The following MAPK8IP2 variants were observed in gnomAD, a reference collection of about 807,000 sequenced individuals.
MAPK8IP2 encodes mitogen-activated protein kinase 8 interacting protein 2.
Under a neutral mutation model 75.6 loss-of-function variants are expected in MAPK8IP2, and 15 were observed. The observed-to-expected ratio is 0.20, with a 90% CI of 0.13 to 0.31. The LOEUF is 0.31. MAPK8IP2 is among the 10% of genes least tolerant of loss of function. The pLI is 1.00. For synonymous variants in MAPK8IP2, 632 were observed against 554.5 expected (o/e 1.14, Z -1.96); for missense variants, 1,089 against 1,211.2 (o/e 0.90, Z 1.50).
intron 10 of MAPK8IP2, chr22:50,609,597 CA>C (rs1300146902): frequency 5.5e-6 from 2 of 362,854 alleles, no homozygotes; most frequent in Non-Finnish European, 1.1e-5. Context: ...CGGCCAGTTT[CA>C]GGGGTGGGGG....
chr22:50,604,619 C>A lies in MAPK8IP2; in HGVS notation c.1320C>A (p.Asn440Lys). 1.3e-6 allele frequency: 2 copies of A among 1,510,226 alleles called. No individual in the cohort carries two copies. The highest frequency in any genetic ancestry group is 2.3e-4 in the Middle Eastern group (1 of 4,308). 93.6% of individuals were successfully genotyped at this position (1,510,226 alleles called of 1,614,324 possible). Residue 440 changes from asparagine to lysine, a missense_variant, in exon 5 of 12, where the codon AAC becomes AAA. By Grantham distance (94) the Asn-to-Lys change is moderately conservative. Coordinates refer to ENST00000329492, the MANE Select transcript of MAPK8IP2 (RefSeq NM_012324.6). ...AQPGPCLFLS[N>K]PTRDTITPLW... is the part of the protein sequence containing the mutation. ...CCGGGCCCTGCCTATTCCTCAGCAA[C>A]CCCACGCGTGACACCATCACGCCGC... is the stretch of plus-strand genomic sequence containing the variant.
In MAPK8IP2 at chr22:50,607,096, C is replaced by A; in HGVS notation, c.2303+105C>A. 1.2e-6 allele frequency: 1 copy of A among 855,676 alleles called. No individual in the cohort carries two copies. The highest frequency in any genetic ancestry group is 2.0e-6 in the Non-Finnish European group (1 of 512,608). The allele number at this position is 855,676 out of a possible 1,614,324, so 53.0% of individuals were successfully genotyped here. ...ACCCTGAGGGCTGCCCGTGCCCAGC[C>A]CTGAGAGCTCCACCTGCACCCACTT... On this transcript the variant is annotated intron_variant, in intron 10 of 11. Transcript: ENST00000329492. The surrounding 1 kb of genome is among the most constrained non-coding windows in gnomAD (Gnocchi z 5.6).
chr22:50,604,285 G>T lies in MAPK8IP2; in HGVS notation c.986G>T (p.Ser329Ile). ...CCCGTGGGCCCCGACGACACCAACAGCGAGTACGAGTCGGGGTCGGAGTCG... is the reference window on the plus strand; with the variant it reads ...CCCGTGGGCCCCGACGACACCAACATCGAGTACGAGTCGGGGTCGGAGTCG... ...FLPVGPDDTN[S>I]EYESGSESEP... Residue 329 changes from serine to isoleucine, a missense_variant, in exon 5 of 12, where the codon AGC becomes ATC. By Grantham distance (142) the Ser-to-Ile change is moderately radical. This residue lies in a region of MAPK8IP2 where 960 missense variants were observed against 1,009.6 expected (regional missense o/e 0.95). Transcript: ENST00000329492. 6.4e-7 allele frequency: 1 copy of T among 1,567,108 alleles called. No individual in the cohort carries two copies. The highest frequency in any genetic ancestry group is 8.6e-7 in the Non-Finnish European group (1 of 1,164,384).
chr22:50,611,017 T>G lies in MAPK8IP2; in HGVS notation c.*238T>G, dbSNP rs1454925391. On this transcript the variant is annotated 3_prime_UTR_variant, in exon 12 of 12. Coordinates refer to ENST00000329492, the MANE Select transcript of MAPK8IP2 (RefSeq NM_012324.6). The surrounding 1 kb of genome is among the most constrained non-coding windows in gnomAD (Gnocchi z 5.5). The stretch of plus-strand genomic sequence containing the variant: ...TCCTCAGATCCGTTCTTTCTCTGTG[T>G]TGTCCTCCTCCTTCCCTTCCCAGTC... 2 of 514,062 alleles carry G rather than the reference T, an allele frequency of 3.9e-6. No homozygotes were observed. The highest frequency in any genetic ancestry group is 3.5e-5 in the Admixed American group (1 of 28,714). The allele number at this position is 514,062 out of a possible 1,614,324, so 31.8% of individuals were successfully genotyped here. A position where few individuals can be genotyped will look rare whatever the true frequency, so the allele number is the denominator to read the frequency against.
Position 50,600,871 on chromosome 22 carries a change from C to T in MAPK8IP2, c.53C>T (p.Pro18Leu), listed in dbSNP as rs2070923039. The T allele has an allele frequency of 7.8e-7, 1 of 1,285,516 alleles. No homozygotes were observed. The highest frequency in any genetic ancestry group is 1.6e-5 in the African/African-American group (1 of 62,914). The allele number at this position is 1,285,516 out of a possible 1,614,324, so 79.6% of individuals were successfully genotyped here. The change falls in exon 1 of 12, where the codon CCG becomes CTG. Residue 18 changes from proline to leucine, a missense_variant. Transcript: ENST00000329492. ...CTCTCCACCTTCCACTCGCTGTCGC[C>T]GCCGGGCTGCAGGTACCCCCCTCGG... Reference protein sequence around the residue: ...FSLSTFHSLSPPGCRPPQDIS... With the variant: ...FSLSTFHSLSLPGCRPPQDIS...
rs1214597873 is a variant in MAPK8IP2 at position 50,607,810 on chromosome 22, A to G, written c.2303+819A>G. The stretch of plus-strand genomic sequence containing the variant: ...AGACCTGGAGGGAAGATACCAGGTC[A>G]GAGCAGGTAGATCACTGAGACGAGA... On this transcript the variant is annotated intron_variant, in intron 10 of 11. Transcript: ENST00000329492. The surrounding 1 kb of genome is among the most constrained non-coding windows in gnomAD (Gnocchi z 5.6). Among the ~76,000 whole-genome samples, 1 of 152,090 alleles carries G rather than the reference A, an allele frequency of 6.6e-6. No individual in the cohort carries two copies. Among genetic ancestry groups the G allele is most frequent in the Non-Finnish European group, 1.5e-5 (1 of 68,010 alleles).
At position 50,606,718 on chromosome 22, in the gene MAPK8IP2, A is replaced by G. The variant is rs778206350; in HGVS notation, c.2185A>G (p.Ile729Val). Reference protein sequence around the residue: ...LRPPASCDLEISLRGVKLSLS... With the variant: ...LRPPASCDLEVSLRGVKLSLS... The stretch of plus-strand genomic sequence containing the variant: ...CCCTCCTGCCTCCTGTGACCTCGAG[A>G]TCTCTCTTCGGGGGGTCAAGCTGAG... Residue 729 changes from isoleucine to valine, a missense_variant, in exon 9 of 12, where the codon ATC (isoleucine) becomes GTC (valine). Physicochemically the swap from Ile to Val is conservative, Grantham distance 29. Transcript: ENST00000329492. 6.3e-7 allele frequency: 1 copy of G among 1,594,136 alleles called. No homozygotes were observed. Among genetic ancestry groups the G allele is most frequent in the Non-Finnish European group, 8.5e-7 (1 of 1,170,678 alleles).
chr22:50,605,537 C>T (rs1212553092), intron 6 of MAPK8IP2, 25 bp from the exon 7 acceptor site: 1 of 1,180,446 alleles, frequency 8.5e-7, no homozygotes, highest in African/African-American at 1.5e-5. Context: ...GCCCCCCTCC[C>T]CAGTGACCTC....
chr22:50,601,290 G>C (rs2070933122), intron 1 of MAPK8IP2: 1 of 157,810 alleles, frequency 6.3e-6, no homozygotes, highest in Admixed American at 6.0e-5. Context: ...GGGCCCGGCC[G>C]GGAGAGAGTG....
rs574553991 is a variant in MAPK8IP2, at chr22:50,612,010, A to G, written c.*1231A>G. On this transcript the variant is annotated 3_prime_UTR_variant, in exon 12 of 12. Transcript: ENST00000329492. ...AACATGGTGAAACCCCATCTCCACA[A>G]AAAATACAAAAATTAGCTAGGTGTC... The G allele has an allele frequency of 6.6e-6, 1 of 152,160 alleles. No homozygotes were observed. The highest frequency in any genetic ancestry group is 1.5e-5 in the Non-Finnish European group (1 of 68,038). 9.4% of individuals were successfully genotyped at this position (152,160 alleles called of 1,614,324 possible).
In MAPK8IP2 at chr22:50,605,568, C is replaced by T; in HGVS notation, c.1848C>T (p.Ile616=). The change falls in exon 7 of 12, where the codon ATC becomes ATT. Residue 616 remains isoleucine, a synonymous_variant. Coordinates refer to ENST00000329492, the MANE Select transcript of MAPK8IP2 (RefSeq NM_012324.6). ...ACCTCTCCCCCAACGGCAGGTTCATCCCGCGGCATCCAGACGAGCTGGAGC... is the reference window on the plus strand; with the variant it reads ...ACCTCTCCCCCAACGGCAGGTTCATTCCGCGGCATCCAGACGAGCTGGAGC... ...EQTHRAVFRF[I]PRHPDELELD... 6.5e-7 allele frequency: 1 copy of T among 1,534,986 alleles called. No individual in the cohort carries two copies. Among genetic ancestry groups the T allele is most frequent in the Non-Finnish European group, 8.8e-7 (1 of 1,135,768 alleles).
At chr22:50,609,720 C>T (rs1329285651) in intron 10 of MAPK8IP2, 1 of 509,394 alleles carries the variant, frequency 2.0e-6, no homozygotes, top group Non-Finnish European at 3.9e-6. Flanking sequence ...TGAGCGAGGC[C>T]CCGCAAGGAG....
chr22:50,603,974 T>G lies in MAPK8IP2; in HGVS notation c.675T>G (p.Asp225Glu). Residue 225 changes from aspartate to glutamate, a missense_variant, in exon 5 of 12, where the codon GAT (aspartate) becomes GAG (glutamate). Physicochemically the swap from Asp to Glu is conservative, Grantham distance 45. Transcript: ENST00000329492. ...CAGGGGGGACTTCGCCCTCCTCAGA[T>G]CCCGGCATCGAGGCTGACCTGAGAA... ...PAPGGTSPSS[D>E]PGIEADLRSR... 6.4e-7 allele frequency: 1 copy of G among 1,556,474 alleles called. No homozygotes were observed. Among genetic ancestry groups the G allele is most frequent in the Non-Finnish European group, 8.6e-7 (1 of 1,157,510 alleles).
In MAPK8IP2 at chr22:50,610,048, C is replaced by A; in HGVS notation, c.2304-164C>A. The A allele has an allele frequency of 2.8e-6, 2 of 722,160 alleles. No homozygotes were observed. Among genetic ancestry groups the A allele is most frequent in the South Asian group, 1.5e-5 (1 of 68,080 alleles). The allele number at this position is 722,160 out of a possible 1,614,324, so 44.7% of individuals were successfully genotyped here. ...CCCAGCCCTGTGCTTGGGCTGAAAC[C>A]AAAAAAAGACAACTTCAGATCTTGA... On this transcript the variant is annotated intron_variant, in intron 10 of 11. Coordinates refer to ENST00000329492, the MANE Select transcript of MAPK8IP2 (RefSeq NM_012324.6). This position sits in a 1 kb window ranked among gnomAD's most constrained non-coding sequence, Gnocchi z 4.3.
At position 50,604,962 on chromosome 22, in the gene MAPK8IP2, G is replaced by A. The variant is rs772124443; in HGVS notation, c.1663G>A (p.Gly555Ser). ...SEEEAGAALL[G>S]GGQVSGDTSP... ...GGAGGAGGCGGGCGCGGCGCTGCTAGGCGGCGGTCAGGTCTCGGGGGACAC... is the reference window on the plus strand; with the variant it reads ...GGAGGAGGCGGGCGCGGCGCTGCTAAGCGGCGGTCAGGTCTCGGGGGACAC... The change falls in exon 5 of 12, where the codon GGC becomes AGC. Residue 555 changes from glycine (G) to serine (S), a missense_variant. Gly to Ser is a moderately conservative substitution (Grantham distance 56). Around this residue, in one of 2 missense-constraint regions of MAPK8IP2, gnomAD observed 960 missense variants for 1,009.6 expected, o/e 0.95. Coordinates refer to ENST00000329492, the MANE Select transcript of MAPK8IP2 (RefSeq NM_012324.6). The A allele has an allele frequency of 6.2e-7, 1 of 1,612,220 alleles. No homozygotes were observed. Among genetic ancestry groups the A allele is most frequent in the South Asian group, 1.1e-5 (1 of 91,072 alleles).
Position 50,604,997 on chromosome 22 carries a change from C to T in MAPK8IP2, c.1698C>T (p.Asp566=), listed in dbSNP as rs536683304. ...GGQVSGDTSP[D]SPDLTFSKKF... ...AGGTCTCGGGGGACACCTCGCCGGA[C>T]AGCCCTGACCTCACTTTCTCCAAGA... The change falls in exon 5 of 12, where the codon GAC becomes GAT. Residue 566 remains aspartate (D), a synonymous_variant. Coordinates refer to ENST00000329492, the MANE Select transcript of MAPK8IP2 (RefSeq NM_012324.6). 2.5e-6 allele frequency: 4 copies of T among 1,612,482 alleles called. No homozygotes were observed. In the African/African-American group the frequency reaches 5.3e-5, roughly 21 times the overall value.
rs774337730 is a variant in MAPK8IP2 at position 50,610,201 on chromosome 22, C to T, written c.2304-11C>T. 2 of 1,593,310 alleles carry T rather than the reference C, an allele frequency of 1.3e-6. No individual in the cohort carries two copies. Among genetic ancestry groups the T allele is most frequent in the Non-Finnish European group, 1.7e-6 (2 of 1,169,784 alleles). ...GGCTCTGACGTGCCCTCCACACTGACTTGCCCGCAGCTATTTCGGCTTCAT... is the reference window on the plus strand; with the variant it reads ...GGCTCTGACGTGCCCTCCACACTGATTTGCCCGCAGCTATTTCGGCTTCAT... On this transcript the variant is annotated splice_polypyrimidine_tract_variant and intron_variant, in intron 10 of 11. Coordinates refer to ENST00000329492, the MANE Select transcript of MAPK8IP2 (RefSeq NM_012324.6). The surrounding 1 kb of genome is among the most constrained non-coding windows in gnomAD (Gnocchi z 4.3).
chr22:50,604,941 G>A lies in MAPK8IP2; in HGVS notation c.1642G>A (p.Glu548Lys), dbSNP rs1258189339. ...CAGCGGCGGGGAGGCCAGCGAGGAG[G>A]AGGCGGGCGCGGCGCTGCTAGGCGG... Reference protein sequence around the residue: ...EDSGGEASEEEAGAALLGGGQ... With the variant: ...EDSGGEASEEKAGAALLGGGQ... Residue 548 changes from glutamate (E) to lysine (K), a missense_variant, in exon 5 of 12, where the codon GAG becomes AAG. Transcript: ENST00000329492. 1.9e-6 allele frequency: 3 copies of A among 1,610,830 alleles called. No individual in the cohort carries two copies. The highest frequency in any genetic ancestry group is 1.7e-6 in the Non-Finnish European group (2 of 1,179,156).
rs768088189 is a variant in MAPK8IP2 at position 50,606,705 on chromosome 22, C to T, written c.2172C>T (p.Ser724=). 2 of 1,597,534 alleles carry T rather than the reference C, an allele frequency of 1.3e-6. No homozygotes were observed. Among genetic ancestry groups the T allele is most frequent in the Non-Finnish European group, 1.7e-6 (2 of 1,172,330 alleles). ...KLTVHLRPPA[S]CDLEISLRGV... ...CCGTCCACCTGCGCCCTCCTGCCTC[C>T]TGTGACCTCGAGATCTCTCTTCGGG... Residue 724 remains serine (S), a synonymous_variant, in exon 9 of 12, where the codon TCC becomes TCT. Coordinates refer to ENST00000329492, the MANE Select transcript of MAPK8IP2 (RefSeq NM_012324.6).
Sources: allele counts gnomAD v4.1 joint callset (sites outside exome capture counted in the v4.1 genomes callset), GRCh38; gene constraint gnomAD v4.1.1; regional missense constraint gnomAD v4.1.1; non-coding constraint Gnocchi (gnomAD v3.1); transcripts MANE v1.5; gene names NCBI Gene and HGNC (gene_info 2026-07-23, HGNC 2026-07-21).